CFAP54: variants seen among roughly 807,000 people sequenced by gnomAD.
CFAP54 encodes cilia- and flagella-associated protein 54.
A neutral mutation model predicts 370.4 loss-of-function variants in CFAP54; 290 were observed. The ratio of observed to expected loss-of-function variants is 0.78; its 90% CI spans 0.71 to 0.86. The LOEUF (loss-of-function observed/expected upper bound fraction) is 0.86, where lower values mean the gene tolerates loss of function less well. CFAP54 is among the 40% of genes least tolerant of loss of function. The pLI is 0.00. For synonymous variants in CFAP54, 1,206 were observed against 1,236.5 expected, an observed-to-expected ratio of 0.98 and a Z score of 0.52; for missense variants, 3,399 against 3,528.7, an observed-to-expected ratio of 0.96 and a Z score of 0.93.
rs139235646 is a variant in CFAP54 at position 96,541,266 on chromosome 12, T to C, written c.2077+279T>C. Among the ~76,000 whole-genome samples the C allele has an allele frequency of 7.8e-3, 1,183 of 151,820 alleles. 10 individuals are homozygous for C. The highest frequency in any genetic ancestry group is 0.02 in the South Asian group (97 of 4,804). On this transcript the variant is annotated intron_variant, in intron 14 of 67. Transcript: ENST00000524981. ...CTCCCCTTTAGTCCCTTCTCTTTCT[T>C]TCTTTTTTCACTTTCTCTCCCTTTT... is the stretch of plus-strand genomic sequence containing the variant.
intron 60 of CFAP54, among the ~76,000 whole-genome samples, chr12:96,773,796 A>C (rs928477115): frequency 1.3e-5 from 2 of 152,140 alleles, no homozygotes; most frequent in East Asian, 1.9e-4. Context: ...CTCTTTTGCT[A>C]TTACATTCAT....
At chr12:96,667,308 G>T (rs566757110) in intron 39 of CFAP54, among the ~76,000 whole-genome samples, 18 of 152,288 alleles carry the variant, frequency 1.2e-4, no homozygotes, top group African/African-American at 3.6e-4. Flanking sequence ...GAGACTCTGT[G>T]TGGGGGCTCC....
intron 32 of CFAP54, among the ~76,000 whole-genome samples, chr12:96,631,381 C>T (rs888932219): frequency 9.2e-5 from 14 of 151,754 alleles, no homozygotes; most frequent in Admixed American, 7.2e-4. Flanking sequence ...GCCAAAATTT[C>T]GTGTTTATTA....
Position 96,542,538 on chromosome 12 carries a change from G to A in CFAP54, c.2077+1551G>A, listed in dbSNP as rs7966681. Among the ~76,000 whole-genome samples the A allele has an allele frequency of 4.1e-3, 628 of 152,090 alleles. 6 individuals are homozygous for A. Among genetic ancestry groups the A allele is most frequent in the African/African-American group, 0.014 (587 of 41,478 alleles). On this transcript the variant is annotated intron_variant, in intron 14 of 67. Coordinates refer to ENST00000524981, the MANE Select transcript of CFAP54 (RefSeq NM_001306084.2). Reference sequence around the variant, plus strand: ...ATAAATCACCATGTATGCATCGTCCGGCACCAATAATTATCAACATCTTTT... The same window carrying A: ...ATAAATCACCATGTATGCATCGTCCAGCACCAATAATTATCAACATCTTTT...
In CFAP54 at chr12:96,663,860, C is replaced by T; in HGVS notation, c.5491C>T (p.Leu1831Phe). Residue 1831 changes from leucine to phenylalanine, a missense_variant, in exon 39 of 68, where the codon CTT (leucine) becomes TTT (phenylalanine). By Grantham distance (22) the Leu-to-Phe change is conservative (BLOSUM62 0). Around this residue, in one of 3 missense-constraint regions of CFAP54, gnomAD observed 2,796 missense variants for 2,869.7 expected, o/e 0.97. Transcript: ENST00000524981. ...TTGCCGAAATTTCATTGGGAAGCAG[C>T]TTAAGATTAATTCTTCAACCATTGA... The part of the protein sequence containing the change: ...ITCRNFIGKQ[L>F]KINSSTIEAT... 6.2e-7 allele frequency: 1 copy of T among 1,613,216 alleles called. No homozygotes were observed. The highest frequency in any genetic ancestry group is 2.2e-5 in the East Asian group (1 of 44,792).
At chr12:96,674,746 A>G (rs1374928013) in intron 39 of CFAP54, among the ~76,000 whole-genome samples, 4 of 152,196 alleles carry the variant, frequency 2.6e-5, no homozygotes, top group Non-Finnish European at 5.9e-5. Flanking sequence ...TTATTCTAGA[A>G]TGTAAGCTTG....
intron 32 of CFAP54, among the ~76,000 whole-genome samples, chr12:96,630,892 G>T (rs1956600840): frequency 6.6e-6 from 1 of 152,034 alleles, no homozygotes; most frequent in Non-Finnish European, 1.5e-5. Flanking sequence ...GGCTTGGCAT[G>T]AAGGTGGTGG....
At chr12:96,507,962 C>T (rs912741076) in intron 4 of CFAP54, among the ~76,000 whole-genome samples, 4 of 152,072 alleles carry the variant, frequency 2.6e-5, no homozygotes, top group African/African-American at 4.8e-5. Flanking sequence ...ATGTTACCTG[C>T]GCCACCACTG....
chr12:96,671,715 A>G (rs1394382438), intron 39 of CFAP54, among the ~76,000 whole-genome samples: 1 of 152,152 alleles, frequency 6.6e-6, no homozygotes, highest in African/African-American at 2.4e-5. Flanking sequence ...TGAGGTCAGA[A>G]GTTTGAGACC....
intron 40 of CFAP54, among the ~76,000 whole-genome samples, chr12:96,683,343 T>G (rs1332453967): frequency 6.6e-6 from 1 of 152,222 alleles, no homozygotes; most frequent in Non-Finnish European, 1.5e-5. Flanking sequence ...ACTCAAATAC[T>G]ATCAACATGG....
Position 96,756,492 on chromosome 12 carries a change from A to G in CFAP54, c.7875A>G (p.Lys2625=), listed in dbSNP as rs1310717797. The part of the protein sequence containing the change: ...KIERQILMEE[K]SPSFQLESLY... ...AACGTCAAATACTAATGGAAGAGAA[A>G]TCTCCAAGTTTTCAACTTGAGAGTT... The change falls in exon 57 of 68, where the codon AAA becomes AAG. Residue 2625 remains lysine, a synonymous_variant. Coordinates refer to ENST00000524981, the MANE Select transcript of CFAP54 (RefSeq NM_001306084.2). The G allele has an allele frequency of 1.9e-6, 3 of 1,602,856 alleles. No individual in the cohort carries two copies. Among genetic ancestry groups the G allele is most frequent in the Admixed American group, 1.8e-5 (1 of 56,074 alleles).
At chr12:96,849,362 G>A (rs1959469650) in intron 66 of CFAP54, among the ~76,000 whole-genome samples, 1 of 152,148 alleles carries the variant, frequency 6.6e-6, no homozygotes, top group Admixed American at 6.5e-5. Context: ...TCAATTAAAA[G>A]AATAGGCATG....
At chr12:96,776,637 G>A (rs1958520686) in intron 60 of CFAP54, among the ~76,000 whole-genome samples, 1 of 152,196 alleles carries the variant, frequency 6.6e-6, no homozygotes, top group Non-Finnish European at 1.5e-5. Flanking sequence ...ATTGTGGATA[G>A]TCTTCTTTGA....
chr12:96,792,141 C>T (rs1437580114), intron 62 of CFAP54, among the ~76,000 whole-genome samples, 188 bp from the exon 63 acceptor site: 7 of 152,164 alleles, frequency 4.6e-5, no homozygotes, highest in African/African-American at 9.7e-5. Context: ...TCAGCCACCG[C>T]GCCTGGCCAG....
chr12:96,653,504 A>C (rs1956884770), intron 36 of CFAP54, among the ~76,000 whole-genome samples: 1 of 152,238 alleles, frequency 6.6e-6, no homozygotes, highest in Admixed American at 6.5e-5. Flanking sequence ...TGGAAATTAA[A>C]TAATACAATT....
At chr12:96,622,862 C>CT (rs926995871) in intron 27 of CFAP54, among the ~76,000 whole-genome samples, 26 of 150,176 alleles carry the variant, frequency 1.7e-4, no homozygotes, top group Admixed American at 7.3e-4. Context: ...AGCTATAATA[C>CT]TTTTTTTTTT....
At chr12:96,656,305 C>CG (rs1408330014) in intron 36 of CFAP54, among the ~76,000 whole-genome samples, 1 of 151,950 alleles carries the variant, frequency 6.6e-6, no homozygotes, top group Admixed American at 6.5e-5. Flanking sequence ...TTCTCTCCCC[C>CG]CCCCTCCCCT....
intron 60 of CFAP54, among the ~76,000 whole-genome samples, chr12:96,771,469 G>A (rs1373085700): frequency 3.3e-5 from 5 of 152,172 alleles, no homozygotes; most frequent in South Asian, 2.1e-4. Flanking sequence ...TGGCTAACAC[G>A]GTGAAACCCC....
intron 14 of CFAP54, among the ~76,000 whole-genome samples, chr12:96,546,355 A>T (rs956290335): frequency 1.3e-5 from 2 of 152,126 alleles, no homozygotes; most frequent in African/African-American, 4.8e-5. Flanking sequence ...AGGGAAAAAT[A>T]GTTTGTTTTT....
Sources: allele counts gnomAD v4.1 joint callset (sites outside exome capture counted in the v4.1 genomes callset), GRCh38; gene constraint gnomAD v4.1.1; regional missense constraint gnomAD v4.1.1; transcripts MANE v1.5; gene names NCBI Gene and HGNC (gene_info 2026-07-23, HGNC 2026-07-21).